TMEM178B: variants seen among roughly 807,000 people sequenced by gnomAD.
The protein encoded by TMEM178B is transmembrane protein 178B.
Under a neutral mutation model 31.0 loss-of-function variants are expected in TMEM178B, and 5 were observed. That is an observed-to-expected ratio of 0.16 (90% CI 0.08 to 0.34). TMEM178B has a LOEUF of 0.34. TMEM178B is among the 10% of genes least tolerant of loss of function. The pLI is 1.00. For synonymous variants in TMEM178B, 164 were observed against 164.0 expected, an observed-to-expected ratio of 1.00 and a Z score of 0.00; for missense variants, 275 against 400.3, an observed-to-expected ratio of 0.69 and a Z score of 2.67.
At chr7:141,084,049 C>T (rs1794736941) in intron 1 of TMEM178B, among the ~76,000 whole-genome samples, 1 of 152,190 alleles carries the variant, frequency 6.6e-6, no homozygotes, top group Non-Finnish European at 1.5e-5. Flanking sequence ...AGGTGATATG[C>T]CTGCCTCGGC....
rs912810228 is a variant in TMEM178B, at chr7:141,422,281, G to A, written c.497-15327G>A. 5.3e-5 allele frequency among the ~76,000 whole-genome samples: 8 copies of A among 152,298 alleles called. No homozygotes were observed. In the East Asian group the frequency reaches 5.8e-4, roughly 11 times the overall value. On this transcript the variant is annotated intron_variant, in intron 2 of 3. Coordinates refer to ENST00000565468, the MANE Select transcript of TMEM178B (RefSeq NM_001195278.2). The surrounding 1 kb of genome is among the most constrained non-coding windows in gnomAD (Gnocchi z 4.2). ...CCCAAAGGCTGGCTCTCCCTCTCTTGTACAGGACTTTTGGGGTTCCTTTGG... is the reference window on the plus strand; with the variant it reads ...CCCAAAGGCTGGCTCTCCCTCTCTTATACAGGACTTTTGGGGTTCCTTTGG...
At chr7:141,239,900 C>T (rs544344695) in intron 2 of TMEM178B, among the ~76,000 whole-genome samples, 10 of 152,008 alleles carry the variant, frequency 6.6e-5, no homozygotes, top group South Asian at 2.1e-4. Context: ...GAGCACTGTC[C>T]GGTAGAAACA....
intron 2 of TMEM178B, among the ~76,000 whole-genome samples, chr7:141,316,924 C>A (rs970865370): frequency 9.8e-5 from 15 of 152,312 alleles, no homozygotes; most frequent in Non-Finnish European, 1.6e-4. Context: ...GCTGGCCTTG[C>A]ATGCAGGTAC....
intron 2 of TMEM178B, among the ~76,000 whole-genome samples, chr7:141,240,494 A>G (rs2129193276): frequency 6.6e-6 from 1 of 152,358 alleles, no homozygotes; most frequent in Admixed American, 6.5e-5. Context: ...TCCATGGATG[A>G]TGACACCTTT....
At chr7:141,284,419 T>C (rs1323764365) in intron 2 of TMEM178B, among the ~76,000 whole-genome samples, 2 of 152,238 alleles carry the variant, frequency 1.3e-5, no homozygotes, top group African/African-American at 4.8e-5. Context: ...CAGTCTGTTA[T>C]CTGGAATATG....
At chr7:141,127,318 A>G (rs1246029793) in intron 1 of TMEM178B, among the ~76,000 whole-genome samples, 3 of 152,226 alleles carry the variant, frequency 2.0e-5, no homozygotes, top group Non-Finnish European at 4.4e-5. Context: ...ATGTCTAAAA[A>G]GTTATGTTCA....
chr7:141,432,249 G>T (rs942638388), intron 2 of TMEM178B, among the ~76,000 whole-genome samples: 1 of 138,124 alleles, frequency 7.2e-6, no homozygotes, highest in African/African-American at 2.7e-5. Context: ...CCACCTCCTG[G>T]GTTCAAGCAA....
At chr7:141,357,686 G>A (rs1051689926) in intron 2 of TMEM178B, among the ~76,000 whole-genome samples, 3 of 152,090 alleles carry the variant, frequency 2.0e-5, no homozygotes, top group Admixed American at 6.5e-5. Context: ...TCACTACTTC[G>A]AATTTATGGA....
chr7:141,109,034 G>A (rs1348200628), intron 1 of TMEM178B, among the ~76,000 whole-genome samples: 2 of 152,120 alleles, frequency 1.3e-5, no homozygotes, highest in Non-Finnish European at 2.9e-5. Flanking sequence ...AATCTCATGA[G>A]ACTTATTCAC....
At chr7:141,451,886 G>A (rs1426343723) in intron 3 of TMEM178B, among the ~76,000 whole-genome samples, 2 of 152,072 alleles carry the variant, frequency 1.3e-5, no homozygotes, top group African/African-American at 4.8e-5. Context: ...TCGGAAGCTG[G>A]CTTCTTGGAG....
chr7:141,296,153 C>T (rs1798629179), intron 2 of TMEM178B, among the ~76,000 whole-genome samples: 1 of 152,016 alleles, frequency 6.6e-6, no homozygotes, highest in East Asian at 1.9e-4. Context: ...CTGCAGCCTC[C>T]ACCTCCCAGG....
At chr7:141,346,912 G>A (rs142172142) in intron 2 of TMEM178B, among the ~76,000 whole-genome samples, 3 of 152,304 alleles carry the variant, frequency 2.0e-5, no homozygotes, top group Non-Finnish European at 2.9e-5. Flanking sequence ...CCTGATGGGA[G>A]GTAATTGGAT....
At chr7:141,264,856 C>T (rs571643309) in intron 2 of TMEM178B, among the ~76,000 whole-genome samples, 7 of 152,160 alleles carry the variant, frequency 4.6e-5, no homozygotes, top group South Asian at 2.1e-4. Context: ...CTGTGTTTTG[C>T]GAGCATGTCA....
At chr7:141,321,826 T>TA (rs1467601143) in intron 2 of TMEM178B, among the ~76,000 whole-genome samples, 37 of 145,820 alleles carry the variant, frequency 2.5e-4, no homozygotes, top group Middle Eastern at 3.5e-3. Context: ...TGTCCAACAT[T>TA]AAAAAAAAAA....
intron 1 of TMEM178B, among the ~76,000 whole-genome samples, chr7:141,177,155 GTTCTCATTGGT>G (rs1458382004): frequency 2.0e-5 from 3 of 152,114 alleles, no homozygotes; most frequent in Non-Finnish European, 4.4e-5. Flanking sequence ...TTGTGTCTTT[GTTCTCATTGGT>G]TTCAAACTTC....
chr7:141,199,131 C>A (rs186504068), intron 1 of TMEM178B, among the ~76,000 whole-genome samples: 1 of 152,192 alleles, frequency 6.6e-6, no homozygotes, highest in Admixed American at 6.5e-5. Context: ...TGTGAAGAAG[C>A]GGCTATGTAA....
chr7:141,230,369 T>C (rs1797421852), intron 2 of TMEM178B, among the ~76,000 whole-genome samples: 1 of 152,222 alleles, frequency 6.6e-6, no homozygotes, highest in South Asian at 2.1e-4. Flanking sequence ...CCTTAAGATA[T>C]ATGCTGATTT....
intron 1 of TMEM178B, among the ~76,000 whole-genome samples, chr7:141,156,337 C>T (rs1027785445): frequency 1.3e-5 from 2 of 152,136 alleles, no homozygotes; most frequent in Non-Finnish European, 2.9e-5. Flanking sequence ...TTTTAAATGA[C>T]AGCAGTATTT....
intron 1 of TMEM178B, among the ~76,000 whole-genome samples, chr7:141,127,131 A>T (rs1290449248): frequency 1.3e-5 from 2 of 152,186 alleles, no homozygotes; most frequent in Non-Finnish European, 2.9e-5. Context: ...GCCATAAAAT[A>T]GTGTCCCTAC....
Sources: allele counts gnomAD v4.1 joint callset (sites outside exome capture counted in the v4.1 genomes callset), GRCh38; gene constraint gnomAD v4.1.1; non-coding constraint Gnocchi (gnomAD v3.1); transcripts MANE v1.5; gene names NCBI Gene and HGNC (gene_info 2026-07-23, HGNC 2026-07-21).